DNER: variants seen among roughly 807,000 people sequenced by gnomAD.
The protein encoded by DNER is delta/notch like EGF repeat containing.
A neutral mutation model predicts 78.2 loss-of-function variants in DNER; 33 were observed. That is an observed-to-expected ratio of 0.42 (90% CI 0.32 to 0.56). The LOEUF (loss-of-function observed/expected upper bound fraction) is 0.56, where lower values mean the gene tolerates loss of function less well. DNER is among the 20% of genes least tolerant of loss of function. The probability of loss-of-function intolerance (pLI) is 0.11; values close to 1 mark genes in which losing one functional copy is unlikely to be tolerated. For synonymous variants in DNER, 417 were observed against 384.8 expected, an observed-to-expected ratio of 1.08 and a Z score of -0.98; for missense variants, 918 against 975.3, an observed-to-expected ratio of 0.94 and a Z score of 0.78.
intron 1 of DNER, among the ~76,000 whole-genome samples, chr2:229,677,607 G>A (rs1034670485): frequency 1.3e-5 from 2 of 152,094 alleles, no homozygotes; most frequent in African/African-American, 4.8e-5. Flanking sequence ...ACCACCCCAG[G>A]GTGGAAGGGT....
At chr2:229,420,630 G>C (rs1276181419) in intron 8 of DNER, among the ~76,000 whole-genome samples, 1 of 152,086 alleles carries the variant, frequency 6.6e-6, no homozygotes, top group Non-Finnish European at 1.5e-5. Flanking sequence ...TGGCCAACAG[G>C]CATATGAAAA....
intron 6 of DNER, among the ~76,000 whole-genome samples, chr2:229,499,248 C>G (rs776474641): frequency 6.6e-6 from 1 of 151,958 alleles, no homozygotes; most frequent in African/African-American, 2.4e-5. Context: ...GAGTTTGAGA[C>G]CAGCCTGGCC....
intron 1 of DNER, among the ~76,000 whole-genome samples, chr2:229,703,628 T>C (rs1208536606): frequency 6.6e-6 from 1 of 152,168 alleles, no homozygotes; most frequent in Non-Finnish European, 1.5e-5. Flanking sequence ...CATGTAGTCC[T>C]AGCACTTTGA....
intron 1 of DNER, among the ~76,000 whole-genome samples, chr2:229,659,431 ATT>A (rs1180068377): frequency 2.6e-5 from 4 of 152,184 alleles, no homozygotes; most frequent in African/African-American, 4.8e-5. Context: ...ATTTGACCTA[ATT>A]TAACCTTACT....
At chr2:229,534,827 T>C (rs1030630339) in intron 5 of DNER, among the ~76,000 whole-genome samples, 8 of 152,204 alleles carry the variant, frequency 5.3e-5, no homozygotes, top group African/African-American at 1.9e-4. Context: ...GATGAATTTA[T>C]ATTTTTTAAT....
chr2:229,409,425 G>A (rs1286198806), intron 9 of DNER, among the ~76,000 whole-genome samples: 1 of 152,176 alleles, frequency 6.6e-6, no homozygotes, highest in Non-Finnish European at 1.5e-5. Flanking sequence ...GATTGTCACT[G>A]AGTTTCTAGT....
intron 6 of DNER, among the ~76,000 whole-genome samples, chr2:229,512,371 ACTCTGT>A (rs1559153460): frequency 9.5e-6 from 1 of 105,158 alleles, no homozygotes; most frequent in East Asian, 2.3e-4. Context: ...AAAGAGTGAG[ACTCTGT>A]CTCAAAAAAA....
chr2:229,509,395 C>G (rs182639545), intron 6 of DNER, among the ~76,000 whole-genome samples: 2 of 152,362 alleles, frequency 1.3e-5, no homozygotes, highest in African/African-American at 4.8e-5. Context: ...CATTTATACT[C>G]TTTCATTAAT....
At chr2:229,396,529 G>C (rs1693148712) in intron 10 of DNER, among the ~76,000 whole-genome samples, 1 of 152,108 alleles carries the variant, frequency 6.6e-6, no homozygotes, top group Non-Finnish European at 1.5e-5. Context: ...ATTCCACAGT[G>C]GTCACATGGT....
intron 12 of DNER, among the ~76,000 whole-genome samples, chr2:229,363,985 CTTTTTTT>C (rs10600729): frequency 1.0e-4 from 8 of 77,808 alleles, no homozygotes; most frequent in Non-Finnish European, 2.0e-4. Flanking sequence ...CAATTCTCTG[CTTTTTTT>C]TTTTTTTTTT....
intron 8 of DNER, among the ~76,000 whole-genome samples, chr2:229,424,382 A>G (rs1269639115): frequency 6.6e-6 from 1 of 152,166 alleles, no homozygotes; most frequent in Non-Finnish European, 1.5e-5. Flanking sequence ...CTTCTTTCCC[A>G]TGTTGCCTCC....
chr2:229,415,426 T>C (rs953336724), intron 9 of DNER, among the ~76,000 whole-genome samples: 2 of 152,200 alleles, frequency 1.3e-5, no homozygotes, highest in Non-Finnish European at 2.9e-5. Flanking sequence ...CCTAGGAAAC[T>C]GTTAGGTAAT....
chr2:229,537,537 G>A (rs1207528805), intron 5 of DNER, among the ~76,000 whole-genome samples: 2 of 152,066 alleles, frequency 1.3e-5, no homozygotes, highest in South Asian at 2.1e-4. Context: ...AAATAAAATA[G>A]GTGGAGAGAC....
chr2:229,625,617 C>T (rs1698325413), intron 1 of DNER, among the ~76,000 whole-genome samples: 2 of 152,154 alleles, frequency 1.3e-5, no homozygotes, highest in African/African-American at 4.8e-5. Context: ...TTATCAAAAG[C>T]TTACAGATTA....
intron 12 of DNER, among the ~76,000 whole-genome samples, 162 bp from the exon 13 acceptor site, chr2:229,358,813 T>C (rs1692149227): frequency 6.6e-6 from 1 of 152,246 alleles, no homozygotes; most frequent in Non-Finnish European, 1.5e-5. Flanking sequence ...TAACACTGAA[T>C]GTGTATAAAC....
At chr2:229,516,583 A>G (rs561390759) in intron 5 of DNER, among the ~76,000 whole-genome samples, 1 of 152,278 alleles carries the variant, frequency 6.6e-6, no homozygotes, top group Non-Finnish European at 1.5e-5. Context: ...AAGAATCTCA[A>G]TTTTCCTCAA....
intron 6 of DNER, among the ~76,000 whole-genome samples, chr2:229,494,327 C>T (rs1695460422): frequency 6.6e-6 from 1 of 152,204 alleles, no homozygotes; most frequent in African/African-American, 2.4e-5. Context: ...CAAAATTCCT[C>T]TCCACACATG....
chr2:229,607,699 C>T (rs1052651781), intron 1 of DNER, among the ~76,000 whole-genome samples: 4 of 151,958 alleles, frequency 2.6e-5, no homozygotes, highest in Admixed American at 1.3e-4. Flanking sequence ...TGTAGAGAAA[C>T]TTAGAATATA....
chr2:229,468,476 A>G (rs1694852102), intron 7 of DNER, among the ~76,000 whole-genome samples: 1 of 152,118 alleles, frequency 6.6e-6, no homozygotes, highest in Non-Finnish European at 1.5e-5. Flanking sequence ...CAGACAGGTA[A>G]TCTGGCTCAA....
Sources: gnomAD v4.1 joint callset for allele counts (sites outside exome capture counted in the v4.1 genomes callset) on GRCh38, gnomAD v4.1.1 for gene constraint, MANE v1.5 for transcripts, NCBI Gene and HGNC (gene_info 2026-07-23, HGNC 2026-07-21) for gene names.